Variants in KANSL1 observed in about 807,000 individuals in gnomAD.
KANSL1 encodes the protein KAT8 regulatory NSL complex subunit 1, also known as MLL1/MLL complex subunit KANSL1.
A neutral mutation model predicts 103.6 loss-of-function variants in KANSL1; 22 were observed. The observed-to-expected ratio is 0.21, with a 90% CI of 0.15 to 0.30. The LOEUF (loss-of-function observed/expected upper bound fraction) is 0.30, where lower values mean the gene tolerates loss of function less well. KANSL1 is among the 10% of genes least tolerant of loss of function. The probability of loss-of-function intolerance (pLI) is 1.00; values close to 1 mark genes in which losing one functional copy is unlikely to be tolerated. For synonymous variants in KANSL1, 600 were observed against 527.6 expected, an observed-to-expected ratio of 1.14 and a Z score of -1.88; for missense variants, 1,337 against 1,399.8, an observed-to-expected ratio of 0.96 and a Z score of 0.72.
intron 2 of KANSL1, among the ~76,000 whole-genome samples, chr17:46,114,337 C>G (rs1018188354): frequency 2.0e-5 from 3 of 151,714 alleles, no homozygotes; most frequent in African/African-American, 7.2e-5. Context: ...CCAGCCTGGG[C>G]AACAGCGAGA....
At chr17:46,170,753 A>T in intron 2 of KANSL1, 102 bp downstream of exon 2, 1 of 1,278,732 alleles carries the variant, frequency 7.8e-7, no homozygotes, top group Non-Finnish European at 1.1e-6. Flanking sequence ...GAACCTAGAC[A>T]CCTATGTACA....
At chr17:46,215,711 G>T (rs528203773) in intron 1 of KANSL1, among the ~76,000 whole-genome samples, 1 of 152,220 alleles carries the variant, frequency 6.6e-6, no homozygotes. Flanking sequence ...GATAGGAAGA[G>T]GTTGGACTGG....
At chr17:46,172,334 C>G in intron 1 of KANSL1, 102 bp from the exon 2 acceptor site, 1 of 638,930 alleles carries the variant, frequency 1.6e-6, no homozygotes, top group Non-Finnish European at 2.6e-6. Context: ...TAAACTGCCT[C>G]CAGAAAGAAA....
rs111421388 is a variant in KANSL1, at chr17:46,104,033, TAAAC to T, written c.1290-9336_1290-9333del. 1.5e-4 allele frequency among the ~76,000 whole-genome samples: 23 copies of T among 152,122 alleles called. No individual in the cohort carries two copies. In the South Asian group the frequency reaches 1.7e-3, roughly 11 times the overall value. ...ACAGAGTGAGACTCTGTCTCAAAAATAAACAAACAAACAAACAACCTTTAGTAGT... is the reference window on the plus strand; with the variant it reads ...ACAGAGTGAGACTCTGTCTCAAAAATAAACAAACAAACAACCTTTAGTAGT... On this transcript the variant is annotated intron_variant, in intron 2 of 14. Coordinates refer to ENST00000432791, the MANE Select transcript of KANSL1 (RefSeq NM_015443.4).
chr17:46,212,455 A>G (rs1385844423), intron 1 of KANSL1, among the ~76,000 whole-genome samples: 1 of 152,194 alleles, frequency 6.6e-6, no homozygotes, highest in Non-Finnish European at 1.5e-5. Context: ...TCCTGACCTC[A>G]TAATCCGCCC....
At chr17:46,136,417 G>A (rs979327157) in intron 2 of KANSL1, among the ~76,000 whole-genome samples, 7 of 152,186 alleles carry the variant, frequency 4.6e-5, no homozygotes, top group Admixed American at 3.3e-4. Flanking sequence ...GTAGTATATA[G>A]AGACGGACCA....
At chr17:46,098,761 A>C (rs1249200694) in intron 2 of KANSL1, among the ~76,000 whole-genome samples, 2 of 152,248 alleles carry the variant, frequency 1.3e-5, no homozygotes, top group African/African-American at 2.4e-5. Context: ...TTCCAGGAGA[A>C]AGTTGTTACA....
intron 2 of KANSL1, among the ~76,000 whole-genome samples, chr17:46,105,636 C>A (rs75911589): frequency 0.14 from 21,440 of 151,134 alleles, 2,083 homozygotes; most frequent in Non-Finnish European, 0.22. Context: ...AAACAAAAAA[C>A]CCCAAAATGA....
At chr17:46,105,446 G>A (rs1293255779) in intron 2 of KANSL1, among the ~76,000 whole-genome samples, 1 of 151,632 alleles carries the variant, frequency 6.6e-6, no homozygotes, top group Non-Finnish European at 1.5e-5. Flanking sequence ...GTGAAACCCC[G>A]TCTCTACTAA....
At chr17:46,150,243 T>C (rs1480985861) in intron 2 of KANSL1, among the ~76,000 whole-genome samples, 3 of 151,710 alleles carry the variant, frequency 2.0e-5, no homozygotes, top group African/African-American at 4.9e-5. Context: ...TCAATTTGTA[T>C]ACAGAATGTC....
intron 2 of KANSL1, among the ~76,000 whole-genome samples, chr17:46,096,512 G>C (rs947500517): frequency 6.6e-6 from 1 of 151,218 alleles, no homozygotes; most frequent in African/African-American, 2.4e-5. Flanking sequence ...TAGACACGGG[G>C]TTTCTCCATG....
intron 1 of KANSL1, among the ~76,000 whole-genome samples, chr17:46,174,782 C>A (rs1447513136): frequency 6.6e-6 from 1 of 152,196 alleles, no homozygotes; most frequent in Non-Finnish European, 1.5e-5. Context: ...TCAAGTGATC[C>A]TCCTGCATCA....
chr17:46,036,790 G>A (rs1382619346), intron 10 of KANSL1, among the ~76,000 whole-genome samples: 2 of 151,254 alleles, frequency 1.3e-5, no homozygotes, highest in Non-Finnish European at 1.5e-5. Context: ...CTTGATCTCC[G>A]CTCACTGGAA....
intron 1 of KANSL1, among the ~76,000 whole-genome samples, chr17:46,205,281 C>A (rs1300615297): frequency 2.6e-5 from 4 of 152,104 alleles, no homozygotes; most frequent in African/African-American, 9.7e-5. Context: ...AGGATACAAG[C>A]TCAATATACA....
chr17:46,148,000 C>A (rs2044826873), intron 2 of KANSL1: 1 of 152,174 alleles, frequency 6.6e-6, no homozygotes, highest in African/African-American at 2.4e-5. Context: ...CCCTGGTTTT[C>A]CCAATGGTAA....
chr17:46,165,357 C>T (rs891880369), intron 2 of KANSL1, among the ~76,000 whole-genome samples: 3 of 150,574 alleles, frequency 2.0e-5, no homozygotes, highest in South Asian at 2.1e-4. Context: ...CTCAGCCTCC[C>T]GAGTAGCTGG....
intron 2 of KANSL1, among the ~76,000 whole-genome samples, chr17:46,123,134 T>TGGGAGGCGGCGGCAGGC (rs1163847018): frequency 6.6e-6 from 1 of 152,250 alleles, no homozygotes; most frequent in Non-Finnish European, 1.5e-5. Flanking sequence ...CCCAACACTT[T>TGGGAGGCGGCGGCAGGC]GGGAGGCGGC....
At chr17:46,200,902 G>T (rs1039785676) in intron 1 of KANSL1, among the ~76,000 whole-genome samples, 1 of 151,934 alleles carries the variant, frequency 6.6e-6, no homozygotes, top group Admixed American at 6.6e-5. Context: ...TCTTGGAAAG[G>T]GAATTACTTT....
chr17:46,187,788 T>C (rs2047100352), intron 1 of KANSL1, among the ~76,000 whole-genome samples: 1 of 152,248 alleles, frequency 6.6e-6, no homozygotes, highest in Non-Finnish European at 1.5e-5. Flanking sequence ...AAAGGGACTC[T>C]TTGCATAAAG....
Sources: gnomAD v4.1 joint callset for allele counts (sites outside exome capture counted in the v4.1 genomes callset) on GRCh38, gnomAD v4.1.1 for gene constraint, MANE v1.5 for transcripts, NCBI Gene and HGNC (gene_info 2026-07-23, HGNC 2026-07-21) for gene names.